The following CRBN variants were observed in gnomAD, a reference collection of about 807,000 sequenced individuals.
CRBN encodes cereblon.
In CRBN, 53 loss-of-function variants were observed where a neutral mutation model predicts 62.2. That is an observed-to-expected ratio of 0.85 (90% CI 0.68 to 1.07). The LOEUF is 1.07. Ranked by LOEUF, CRBN falls within the 50% of genes least tolerant of loss-of-function variation. The probability of loss-of-function intolerance (pLI) is 0.00; values close to 1 mark genes in which losing one functional copy is unlikely to be tolerated. For synonymous variants in CRBN, 208 were observed against 176.1 expected (o/e 1.18, Z -1.43); for missense variants, 616 against 531.1 (o/e 1.16, Z -1.57).
intron 8 of CRBN, 155 bp downstream of exon 8, chr3:3,153,805 A>C: frequency 1.5e-6 from 1 of 665,148 alleles, no homozygotes; most frequent in Non-Finnish European, 2.7e-6. Flanking sequence ...TGACAAACAC[A>C]AAACAATGAG....
rs1195969700 is a variant in CRBN, at chr3:3,153,602, CA to C, written c.952-115del. On this transcript the variant is annotated intron_variant, in intron 8 of 10. Transcript: ENST00000231948. ...TAAAGATATTGCTCTCTCTGAATAT[CA>C]CATTTTCCTTCCAAGCATTCAAAAA... 27 of 731,980 alleles carry C rather than the reference CA, an allele frequency of 3.7e-5. No individual in the cohort carries two copies. The Admixed American group carries it at 5.5e-4, about 15-fold the overall frequency. 45.3% of individuals were successfully genotyped at this position (731,980 alleles called of 1,614,324 possible). A position where few individuals can be genotyped will look rare whatever the true frequency, so the allele number is the denominator to read the frequency against.
intron 5 of CRBN, 81 bp from the exon 6 acceptor site, chr3:3,156,362 G>T: frequency 7.7e-7 from 1 of 1,296,996 alleles, no homozygotes. Context: ...TCTGAAAAAT[G>T]ATTTTGGCCT....
Position 3,179,649 on chromosome 3 carries a change from G to T in CRBN, c.39C>A (p.Asn13Lys). ...GCAGGAGCGGCAGGTGGTTGCCCAT[G>T]TTGTGCGCAGCGTCCTGCTGATCTC... The part of the protein sequence containing the change: ...GEGDQQDAAH[N>K]MGNHLPLLPA... The change falls in exon 1 of 11, where the codon AAC becomes AAA. Residue 13 changes from asparagine to lysine, a missense_variant. Coordinates refer to ENST00000231948, the MANE Select transcript of CRBN (RefSeq NM_016302.4). 6.2e-7 allele frequency: 1 copy of T among 1,613,236 alleles called. No individual in the cohort carries two copies. The highest frequency in any genetic ancestry group is 8.5e-7 in the Non-Finnish European group (1 of 1,179,654).
chr3:3,165,464 C>T (rs550381901), intron 5 of CRBN, among the ~76,000 whole-genome samples: 2 of 152,184 alleles, frequency 1.3e-5, no homozygotes, highest in Non-Finnish European at 2.9e-5. Context: ...CAACCTTCAG[C>T]AACCACTACC....
chr3:3,175,141 G>T, intron 2 of CRBN, 22 bp downstream of exon 2: 1 of 1,409,888 alleles, frequency 7.1e-7, no homozygotes, highest in Non-Finnish European at 1.0e-6. Context: ...TATTATATTA[G>T]ATCTGTCACT....
intron 5 of CRBN, among the ~76,000 whole-genome samples, chr3:3,166,065 G>C (rs1468779014): frequency 6.6e-6 from 1 of 152,162 alleles, no homozygotes; most frequent in Admixed American, 6.5e-5. Flanking sequence ...TATTTAAAGT[G>C]TCTGTATCTG....
intron 1 of CRBN, 129 bp downstream of exon 1, chr3:3,179,492 G>C: frequency 1.2e-6 from 1 of 821,462 alleles, no homozygotes; most frequent in South Asian, 1.5e-5. Context: ...GCAGCTTTCC[G>C]GTGCGGCCCT....
At chr3:3,177,319 G>A (rs1265883511) in intron 1 of CRBN, among the ~76,000 whole-genome samples, 1 of 152,032 alleles carries the variant, frequency 6.6e-6, no homozygotes, top group Admixed American at 6.6e-5. Context: ...CTCTAGCCAG[G>A]CCCCTGACAG....
chr3:3,160,629 T>C (rs1453716872), intron 5 of CRBN, among the ~76,000 whole-genome samples: 3 of 152,352 alleles, frequency 2.0e-5, no homozygotes, highest in African/African-American at 2.4e-5. Flanking sequence ...TAAATGTTAC[T>C]GTTCTTACGA....
rs1491216436 is a variant in CRBN at position 3,178,015 on chromosome 3, AAC to A, written c.67+1604_67+1605del. 2.3e-3 allele frequency among the ~76,000 whole-genome samples: 324 copies of A among 141,740 alleles called. 8 individuals are homozygous for A. The East Asian group carries it at 0.091, about 40-fold the overall frequency. The allele number at this position is 141,740 out of a possible 152,430, so 93.0% of individuals were successfully genotyped here. On this transcript the variant is annotated intron_variant, in intron 1 of 10. Transcript: ENST00000231948. ...GAAAAACAAAAAACAAAACAAAACA[AAC>A]AAAAAAAAAACAAACAAAAAACCAC...
At chr3:3,170,454 C>G (rs17027859) in intron 4 of CRBN, among the ~76,000 whole-genome samples, 2,943 of 152,208 alleles carry the variant, frequency 0.019, 89 homozygotes, top group African/African-American at 0.066. Flanking sequence ...TAGAGAAATT[C>G]TGGTATAATG....
At position 3,157,138 on chromosome 3, in the gene CRBN, T is replaced by C. The variant is rs1482997750; in HGVS notation, c.688-857A>G. Among the ~76,000 whole-genome samples the C allele has an allele frequency of 2.0e-5, 3 of 152,192 alleles. No individual in the cohort carries two copies. In the East Asian group the frequency reaches 5.8e-4, roughly 29 times the overall value. Reference sequence around the variant, plus strand: ...ACAAAATTTTTGAAAGAGAAGCAAATGGTCTATAGGACACAAAAATATTAC... The same window carrying C: ...ACAAAATTTTTGAAAGAGAAGCAAACGGTCTATAGGACACAAAAATATTAC... On this transcript the variant is annotated intron_variant, in intron 5 of 10. Transcript: ENST00000231948.
intron 10 of CRBN, among the ~76,000 whole-genome samples, chr3:3,151,916 G>A (rs1669343): frequency 4.6e-5 from 7 of 152,066 alleles, no homozygotes; most frequent in South Asian, 2.1e-4. Context: ...AACATTCTCC[G>A]GTTTTACATT....
intron 5 of CRBN, among the ~76,000 whole-genome samples, chr3:3,160,047 T>C (rs902171222): frequency 6.6e-6 from 1 of 152,204 alleles, no homozygotes; most frequent in South Asian, 2.1e-4. Context: ...TAGTATTCAC[T>C]CTGGGAACAG....
At chr3:3,156,181 C>T (rs1226492677) in intron 6 of CRBN, 38 bp downstream of exon 6, 1 of 1,523,618 alleles carries the variant, frequency 6.6e-7, no homozygotes, top group Non-Finnish European at 9.1e-7. Flanking sequence ...ATGACATGGC[C>T]TACCATATAT....
Position 3,151,121 on chromosome 3 carries a change from G to T in CRBN, c.1149-76C>A, listed in dbSNP as rs1706512757. 8 of 1,507,692 alleles carry T rather than the reference G, an allele frequency of 5.3e-6. No homozygotes were observed. The South Asian group carries it at 8.2e-5, about 15-fold the overall frequency. The allele number at this position is 1,507,692 out of a possible 1,614,324, so 93.4% of individuals were successfully genotyped here. A position where few individuals can be genotyped will look rare whatever the true frequency, so the allele number is the denominator to read the frequency against. On this transcript the variant is annotated intron_variant, in intron 10 of 10. Coordinates refer to ENST00000231948, the MANE Select transcript of CRBN (RefSeq NM_016302.4). ...GCCTATCATATAAACCTATCATGAAGACAGACTTTAGAGGCAAATTCTAAG... is the reference window on the plus strand; with the variant it reads ...GCCTATCATATAAACCTATCATGAATACAGACTTTAGAGGCAAATTCTAAG...
intron 4 of CRBN, 71 bp from the exon 5 acceptor site, chr3:3,167,864 C>T (rs1414128490): frequency 1.8e-5 from 26 of 1,458,398 alleles, no homozygotes; most frequent in Non-Finnish European, 2.3e-5. Context: ...AGTTTCTAAA[C>T]AGTGATAATT....
In CRBN at chr3:3,150,684, A is replaced by G. The variant is rs1199430849; in HGVS notation, c.*181T>C. ...AGACTGCCGTTCATGCTTGTTTCCT[A>G]AAGTATACTTAAAAGTTTCAAATAC... On this transcript the variant is annotated 3_prime_UTR_variant, in exon 11 of 11. Coordinates refer to ENST00000231948, the MANE Select transcript of CRBN (RefSeq NM_016302.4). The G allele has an allele frequency of 1.2e-5, 7 of 606,986 alleles. No homozygotes were observed. In the South Asian group the frequency reaches 1.2e-4, roughly 10 times the overall value. The allele number at this position is 606,986 out of a possible 1,614,324, so 37.6% of individuals were successfully genotyped here.
At chr3:3,173,850 A>G in intron 3 of CRBN, 1 of 591,310 alleles carries the variant, frequency 1.7e-6, no homozygotes, top group Non-Finnish European at 3.0e-6. Flanking sequence ...TTGTGTATGA[A>G]GGTGAAGAGC....
Sources: allele counts gnomAD v4.1 joint callset (sites outside exome capture counted in the v4.1 genomes callset), GRCh38; gene constraint gnomAD v4.1.1; transcripts MANE v1.5; gene names NCBI Gene and HGNC (gene_info 2026-07-23, HGNC 2026-07-21).